Variants in STARD13 observed in about 807,000 individuals in gnomAD.
STARD13 encodes StAR related lipid transfer domain containing 13.
STARD13 carries 62 observed loss-of-function variants against 106.4 expected under a neutral mutation model. The observed-to-expected ratio is 0.58, with a 90% CI of 0.48 to 0.72. STARD13 has a LOEUF of 0.72. Among genes scored for constraint, STARD13 ranks in the 30% least tolerant of loss-of-function variants. STARD13 has a pLI of 0.00. For missense variants in STARD13, 1,387 were observed against 1,424.0 expected, an observed-to-expected ratio of 0.97 and a Z score of 0.42; for synonymous variants, 565 against 553.0, an observed-to-expected ratio of 1.02 and a Z score of -0.31.
the STARD13 span, among the ~76,000 whole-genome samples, chr13:33,671,318 A>T: frequency 8.5e-5 from 13 of 152,268 alleles, no homozygotes; most frequent in African/African-American, 3.1e-4. Flanking sequence ...ATGTCTTCCA[A>T]TATGGAAGCC....
intron 3 of STARD13, among the ~76,000 whole-genome samples, chr13:33,159,145 G>A (rs866423162): frequency 4.6e-5 from 7 of 152,124 alleles, no homozygotes; most frequent in Non-Finnish European, 7.3e-5. Context: ...CTTATTCCAC[G>A]GTGATGTGGT....
chr13:33,300,356 C>A (rs1337239719), intron 1 of STARD13, among the ~76,000 whole-genome samples: 1 of 152,152 alleles, frequency 6.6e-6, no homozygotes, highest in African/African-American at 2.4e-5. Flanking sequence ...ATAGAATAGG[C>A]CTCCTTCCAT....
At chr13:33,388,385 G>A in the STARD13 span, among the ~76,000 whole-genome samples, 1 of 152,234 alleles carries the variant, frequency 6.6e-6, no homozygotes, top group African/African-American at 2.4e-5. Context: ...TAATATCTTA[G>A]TGGATGGGCA....
At chr13:33,528,165 A>ATT in the STARD13 span, among the ~76,000 whole-genome samples, 1 of 134,246 alleles carries the variant, frequency 7.4e-6, no homozygotes, top group African/African-American at 3.2e-5. Context: ...CAGCTAAGCT[A>ATT]ATATTATATA....
At chr13:33,478,080 T>A in the STARD13 span, among the ~76,000 whole-genome samples, 1,106 of 152,250 alleles carry the variant, frequency 7.3e-3, 6 homozygotes, top group Middle Eastern at 0.024. Context: ...TCCTTACCCC[T>A]CCAATTCGTG....
the STARD13 span, among the ~76,000 whole-genome samples, chr13:33,371,319 C>T: frequency 3.9e-5 from 6 of 152,048 alleles, no homozygotes; most frequent in African/African-American, 9.7e-5. Context: ...TTTGGGTCTG[C>T]GTGTGAAGTT....
intron 1 of STARD13, among the ~76,000 whole-genome samples, chr13:33,223,054 T>C (rs1326630781): frequency 6.6e-6 from 1 of 152,236 alleles, no homozygotes. Context: ...AAGAATTTCA[T>C]TTCTGAAAAC....
intron 4 of STARD13, among the ~76,000 whole-genome samples, chr13:33,137,342 C>T (rs1275206725): frequency 6.6e-6 from 1 of 152,268 alleles, no homozygotes; most frequent in African/African-American, 2.4e-5. Context: ...AGGTCTCTCT[C>T]TCTCACCTAC....
chr13:33,173,053 G>A (rs1168513845), intron 1 of STARD13, among the ~76,000 whole-genome samples: 1 of 152,120 alleles, frequency 6.6e-6, no homozygotes, highest in African/African-American at 2.4e-5. Flanking sequence ...GGCCTATTTG[G>A]TGGGCACCCT....
At chr13:33,388,794 A>G in the STARD13 span, among the ~76,000 whole-genome samples, 1 of 152,082 alleles carries the variant, frequency 6.6e-6, no homozygotes, top group African/African-American at 2.4e-5. Flanking sequence ...AGACTCTAAG[A>G]TCAAACCTAA....
chr13:33,583,537 G>C, the STARD13 span, among the ~76,000 whole-genome samples: 4 of 152,258 alleles, frequency 2.6e-5, no homozygotes, highest in African/African-American at 4.8e-5. Context: ...TTGACTAACA[G>C]GGTTTTTTCT....
At chr13:33,614,422 G>T in the STARD13 span, among the ~76,000 whole-genome samples, 6 of 152,074 alleles carry the variant, frequency 3.9e-5, no homozygotes, top group East Asian at 7.7e-4. Flanking sequence ...GACCAATGTT[G>T]ACCCTACTTG....
the STARD13 span, among the ~76,000 whole-genome samples, chr13:33,453,128 T>C: frequency 6.6e-6 from 1 of 152,248 alleles, no homozygotes. Context: ...CTTGTTTTCA[T>C]AGCTCAATAG....
the STARD13 span, among the ~76,000 whole-genome samples, chr13:33,535,663 G>T: frequency 6.6e-6 from 1 of 152,108 alleles, no homozygotes; most frequent in Non-Finnish European, 1.5e-5. Context: ...TTGCACCAAG[G>T]TCAACTTTAT....
chr13:33,613,166 C>T, the STARD13 span, among the ~76,000 whole-genome samples: 1 of 152,184 alleles, frequency 6.6e-6, no homozygotes, highest in Admixed American at 6.5e-5. Context: ...AAATACTTTG[C>T]ATGTGTAGTT....
chr13:33,116,864 C>T (rs533449952), intron 8 of STARD13, among the ~76,000 whole-genome samples: 1 of 152,280 alleles, frequency 6.6e-6, no homozygotes, highest in East Asian at 1.9e-4. Flanking sequence ...TGATTACAAT[C>T]CTTTCTGAGT....
At chr13:33,462,407 G>T in the STARD13 span, among the ~76,000 whole-genome samples, 703 of 152,254 alleles carry the variant, frequency 4.6e-3, 2 homozygotes, top group Non-Finnish European at 7.8e-3. Context: ...GTTAGTCAGG[G>T]TTCTCTAGAG....
At chr13:33,632,359 G>A in the STARD13 span, among the ~76,000 whole-genome samples, 1 of 152,132 alleles carries the variant, frequency 6.6e-6, no homozygotes, top group African/African-American at 2.4e-5. Context: ...GTAGAACCTT[G>A]TGAATGAGTC....
At chr13:33,292,883 G>A (rs74451509) in intron 1 of STARD13, among the ~76,000 whole-genome samples, 82 of 152,000 alleles carry the variant, frequency 5.4e-4, no homozygotes, top group African/African-American at 1.9e-3. Flanking sequence ...CCATTGCACC[G>A]AGAATGAAAG....
Sources: allele counts gnomAD v4.1 joint callset (sites outside exome capture counted in the v4.1 genomes callset), GRCh38; gene constraint gnomAD v4.1.1; transcripts MANE v1.5; gene names NCBI Gene and HGNC (gene_info 2026-07-23, HGNC 2026-07-21).